The following EMSY variants were observed in gnomAD, a reference collection of about 807,000 sequenced individuals.
The protein encoded by EMSY is BRCA2-interacting transcriptional repressor EMSY.
Under a neutral mutation model 134.6 loss-of-function variants are expected in EMSY, and 26 were observed. The ratio of observed to expected loss-of-function variants is 0.19; its 90% confidence interval spans 0.14 to 0.27. EMSY has a LOEUF of 0.27. Among genes scored for constraint, EMSY ranks in the 10% least tolerant of loss-of-function variants. The probability of loss-of-function intolerance (pLI) is 1.00; values close to 1 mark genes in which losing one functional copy is unlikely to be tolerated. For missense variants in EMSY, 1,305 were observed against 1,611.4 expected, an observed-to-expected ratio of 0.81 and a Z score of 3.26; for synonymous variants, 579 against 577.8, an observed-to-expected ratio of 1.00 and a Z score of -0.03.
At chr11:76,509,999 C>G (rs1417473067) in intron 9 of EMSY, among the ~76,000 whole-genome samples, 1 of 152,222 alleles carries the variant, frequency 6.6e-6, no homozygotes, top group South Asian at 2.1e-4. Context: ...TTCAAGGTTA[C>G]AGTCATCATG....
At chr11:76,457,523 G>A (rs1947923367) in intron 4 of EMSY, among the ~76,000 whole-genome samples, 1 of 152,238 alleles carries the variant, frequency 6.6e-6, no homozygotes, top group African/African-American at 2.4e-5. Flanking sequence ...AGTGAAGGGT[G>A]GTATAAATAA....
chr11:76,470,025 G>C (rs991394908), intron 7 of EMSY, among the ~76,000 whole-genome samples: 5 of 152,050 alleles, frequency 3.3e-5, no homozygotes, highest in Non-Finnish European at 7.4e-5. Flanking sequence ...CTTATATCTT[G>C]TAATTCTCTG....
chr11:76,532,482 G>C (rs1314701423), intron 14 of EMSY, among the ~76,000 whole-genome samples: 1 of 151,716 alleles, frequency 6.6e-6, no homozygotes, highest in East Asian at 1.9e-4. Context: ...TCCTCGCCTA[G>C]GTCACTTACT....
At chr11:76,523,328 C>T in intron 12 of EMSY, 37 bp downstream of exon 13, 16 of 1,590,652 alleles carry the variant, frequency 1.0e-5, no homozygotes, top group Non-Finnish European at 1.4e-5. Context: ...TAGCAATTCA[C>T]AGAGGATTTA....
intron 10 of EMSY, among the ~76,000 whole-genome samples, 162 bp from the exon 12 acceptor site, chr11:76,515,980 T>C (rs1448242663): frequency 6.6e-6 from 1 of 152,236 alleles, no homozygotes; most frequent in East Asian, 1.9e-4. Context: ...CTATATGTGT[T>C]GAAAACTGGC....
At chr11:76,445,047 G>C (rs1947320620) in exon 1 of EMSY, 1 of 152,972 alleles carries the variant, frequency 6.5e-6, no homozygotes, top group Admixed American at 6.5e-5. Context: ...CCCCTTCAGA[G>C]GCACCGCAAA....
intron 4 of EMSY, among the ~76,000 whole-genome samples, chr11:76,455,941 G>T (rs553375983): frequency 9.9e-5 from 15 of 152,026 alleles, no homozygotes; most frequent in African/African-American, 3.4e-4. Context: ...CAGGATACTG[G>T]GTCAGTTTCT....
intron 10 of EMSY, among the ~76,000 whole-genome samples, chr11:76,515,720 A>G (rs1950428251): frequency 6.6e-6 from 1 of 152,330 alleles, no homozygotes; most frequent in African/African-American, 2.4e-5. Flanking sequence ...CTCAATGCCA[A>G]CATTGGGTTT....
At chr11:76,496,086 A>G in intron 8 of EMSY, 129 bp from the exon 10 acceptor site, 1 of 948,054 alleles carries the variant, frequency 1.1e-6, no homozygotes, top group South Asian at 1.8e-5. Flanking sequence ...GACACTTACT[A>G]GGTGCTCAAT....
At chr11:76,523,924 C>A (rs992702131) in intron 12 of EMSY, among the ~76,000 whole-genome samples, 3 of 151,704 alleles carry the variant, frequency 2.0e-5, no homozygotes, top group Admixed American at 2.0e-4. Flanking sequence ...GTAGCATGCA[C>A]CTGTAGTCCC....
chr11:76,463,228 C>T (rs1357009232), intron 6 of EMSY, among the ~76,000 whole-genome samples: 1 of 151,814 alleles, frequency 6.6e-6, no homozygotes, highest in Non-Finnish European at 1.5e-5. Flanking sequence ...GAGGCTGAGG[C>T]AGGAGAATCG....
At chr11:76,499,699 T>G (rs1353115324) in intron 9 of EMSY, among the ~76,000 whole-genome samples, 1 of 152,200 alleles carries the variant, frequency 6.6e-6, no homozygotes, top group African/African-American at 2.4e-5. Flanking sequence ...TGTTTCTTGT[T>G]TCTTTTTTCT....
intron 20 of EMSY, chr11:76,546,964 T>C (rs1183738824): frequency 2.5e-6 from 1 of 404,438 alleles, no homozygotes; most frequent in Non-Finnish European, 4.9e-6. Flanking sequence ...GAATTATTCA[T>C]TGATAATAGA....
intron 2 of EMSY, among the ~76,000 whole-genome samples, chr11:76,449,087 A>G (rs560589151): frequency 2.0e-5 from 3 of 152,248 alleles, no homozygotes; most frequent in African/African-American, 7.2e-5. Context: ...AGGGCTTTAT[A>G]TAAATGGTTT....
exon 7 of EMSY, chr11:76,464,000 T>C: frequency 1.2e-6 from 2 of 1,614,132 alleles, no homozygotes; most frequent in East Asian, 4.5e-5. Context: ...CATTGCCAAC[T>C]CCTTACCACC....
chr11:76,477,400 T>C (rs1222295307), intron 8 of EMSY, among the ~76,000 whole-genome samples: 1 of 151,904 alleles, frequency 6.6e-6, no homozygotes, highest in East Asian at 1.9e-4. Flanking sequence ...AGGTATGTTC[T>C]GAGAAGTCTG....
chr11:76,502,044 GAAAAAAAA>G (rs57263473), intron 9 of EMSY, among the ~76,000 whole-genome samples: 4 of 93,098 alleles, frequency 4.3e-5, no homozygotes, highest in African/African-American at 1.6e-4. Context: ...CATTTGAAAT[GAAAAAAAA>G]AAAAAAAAAA....
chr11:76,484,593 C>T (rs563424191), intron 8 of EMSY, among the ~76,000 whole-genome samples: 5 of 152,166 alleles, frequency 3.3e-5, no homozygotes, highest in East Asian at 3.9e-4. Context: ...CACAGAAATA[C>T]GAACTACTAT....
Position 76,509,668 on chromosome 11 carries a change from T to TG in EMSY, c.1364-3711dup, listed in dbSNP as rs138011683. On this transcript the variant is annotated intron_variant, in intron 9 of 20. Transcript: ENST00000334736. ...GATCTCTAAGATACATTGTTAAAGG[T>TG]GGGGGGGAAAGCAAGGTGCATGTGT... Among the ~76,000 whole-genome samples the TG allele has an allele frequency of 9.2e-3, 1,405 of 151,938 alleles. 21 individuals carry two copies. Among genetic ancestry groups the TG allele is most frequent in the African/African-American group, 0.032 (1,320 of 41,382 alleles).
Sources: gnomAD v4.1 joint callset for allele counts (sites outside exome capture counted in the v4.1 genomes callset) on GRCh38, gnomAD v4.1.1 for gene constraint, MANE v1.5 for transcripts, NCBI Gene and HGNC (gene_info 2026-07-23, HGNC 2026-07-21) for gene names.